The following NXN variants were observed in gnomAD, a reference collection of about 807,000 sequenced individuals.
The protein encoded by NXN is nucleoredoxin.
A neutral mutation model predicts 48.6 loss-of-function variants in NXN; 16 were observed. The observed-to-expected ratio is 0.33, with a 90% confidence interval of 0.22 to 0.50. NXN has a LOEUF of 0.50. Ranked by LOEUF, NXN falls within the 20% of genes least tolerant of loss-of-function variation. The probability of loss-of-function intolerance (pLI) is 0.98; values close to 1 mark genes in which losing one functional copy is unlikely to be tolerated. For synonymous variants in NXN, 281 were observed against 269.6 expected (o/e 1.04, Z -0.41); for missense variants, 492 against 605.5 (o/e 0.81, Z 1.97).
At chr17:934,213 A>G (rs2068882889) in intron 1 of NXN, among the ~76,000 whole-genome samples, 1 of 152,024 alleles carries the variant, frequency 6.6e-6, no homozygotes, top group South Asian at 2.1e-4. Flanking sequence ...TGGGAGGCTC[A>G]GGCAGGCGGA....
intron 5 of NXN, among the ~76,000 whole-genome samples, chr17:813,952 A>G (rs1597621704): frequency 1.4e-5 from 2 of 139,034 alleles, no homozygotes; most frequent in African/African-American, 5.5e-5. Flanking sequence ...TGGGTAACAG[A>G]GCAAGACTCT....
chr17:965,032 C>A (rs934049016), intron 1 of NXN, among the ~76,000 whole-genome samples: 1 of 152,164 alleles, frequency 6.6e-6, no homozygotes, highest in African/African-American at 2.4e-5. Context: ...TCAGGAAGTA[C>A]AAGCTCTGCG....
At chr17:831,423 C>T (rs1002020655) in intron 1 of NXN, among the ~76,000 whole-genome samples, 23 of 151,964 alleles carry the variant, frequency 1.5e-4, no homozygotes, top group Non-Finnish European at 2.6e-4. Flanking sequence ...AGTCCCCCCG[C>T]CACACAGATA....
At chr17:923,039 T>C (rs1475532232) in intron 1 of NXN, among the ~76,000 whole-genome samples, 1 of 152,078 alleles carries the variant, frequency 6.6e-6, no homozygotes, top group Non-Finnish European at 1.5e-5. Flanking sequence ...ACTTCTCACT[T>C]CAACTCGACT....
At chr17:963,688 T>C (rs2069266343) in intron 1 of NXN, among the ~76,000 whole-genome samples, 1 of 152,208 alleles carries the variant, frequency 6.6e-6, no homozygotes, top group Non-Finnish European at 1.5e-5. Context: ...TGTATTTTCA[T>C]ATGCAGTATA....
Position 919,199 on chromosome 17 carries a change from C to A in NXN, c.360+60120G>T, listed in dbSNP as rs370811680. ...CTAACATGGTGAAAGCCCGTCTCTA[C>A]TACAAATACAAAAATCAGCCGGGCG... On this transcript the variant is annotated intron_variant, in intron 1 of 7. Coordinates refer to ENST00000336868, the MANE Select transcript of NXN (RefSeq NM_022463.5). The surrounding 1 kb of genome is among the most constrained non-coding windows in gnomAD (Gnocchi z 5.1). 2.6e-5 allele frequency among the ~76,000 whole-genome samples: 4 copies of A among 152,056 alleles called. No individual in the cohort carries two copies. Among genetic ancestry groups the A allele is most frequent in the South Asian group, 4.2e-4 (2 of 4,804 alleles).
At chr17:885,054 G>C (rs1334806404) in intron 1 of NXN, among the ~76,000 whole-genome samples, 1 of 152,194 alleles carries the variant, frequency 6.6e-6, no homozygotes, top group Non-Finnish European at 1.5e-5. Flanking sequence ...AAGCGGAGCT[G>C]AGTCAGGCCT....
chr17:872,407 CAAG>C (rs915225881), intron 1 of NXN, among the ~76,000 whole-genome samples: 9 of 150,712 alleles, frequency 6.0e-5, no homozygotes, highest in Admixed American at 4.6e-4. Flanking sequence ...ACATCAACGA[CAAG>C]GAGACAGAGG....
At chr17:801,218 T>G in intron 7 of NXN, 87 bp from the exon 8 acceptor site, 1 of 1,073,028 alleles carries the variant, frequency 9.3e-7, no homozygotes, top group South Asian at 2.4e-5. Flanking sequence ...CCAGGTGTGG[T>G]AGCTCCCGCA....
chr17:839,797 TAAA>T (rs553678056), intron 1 of NXN, among the ~76,000 whole-genome samples: 5 of 57,250 alleles, frequency 8.7e-5, no homozygotes, highest in Non-Finnish European at 9.4e-5. Flanking sequence ...GAGACCTTGT[TAAA>T]AAAAAAAAAA....
At chr17:886,847 A>G (rs1278253425) in intron 1 of NXN, among the ~76,000 whole-genome samples, 2 of 152,114 alleles carry the variant, frequency 1.3e-5, no homozygotes, top group Non-Finnish European at 2.9e-5. Flanking sequence ...CCTAAAGCAA[A>G]AAGAGGAAGG....
In NXN at chr17:872,324, G is replaced by A. The variant is rs1325848580; in HGVS notation, c.361-46246C>T. On this transcript the variant is annotated intron_variant, in intron 1 of 7. Coordinates refer to ENST00000336868, the MANE Select transcript of NXN (RefSeq NM_022463.5). ...AAAGACTAGGAGAGAGAGAGAGAGA[G>A]AAACATCAAAGACAAGGAGAGAGAC... 6.2e-5 allele frequency among the ~76,000 whole-genome samples: 9 copies of A among 144,490 alleles called. 1 individual carries two copies. Among genetic ancestry groups the A allele is most frequent in the Admixed American group, 4.2e-4 (6 of 14,254 alleles). 94.8% of individuals were successfully genotyped at this position (144,490 alleles called of 152,430 possible).
chr17:822,725 T>C (rs1251626115), intron 3 of NXN, among the ~76,000 whole-genome samples: 1 of 152,102 alleles, frequency 6.6e-6, no homozygotes, highest in Non-Finnish European at 1.5e-5. Flanking sequence ...CCTCTCTTAA[T>C]GGTGGGCATC....
At chr17:896,211 ATG>A (rs1251350238) in intron 1 of NXN, among the ~76,000 whole-genome samples, 1 of 151,668 alleles carries the variant, frequency 6.6e-6, no homozygotes, top group Non-Finnish European at 1.5e-5. Context: ...GTGGTGGCGC[ATG>A]CCTGTAATCC....
chr17:886,432 T>C (rs1597694922), intron 1 of NXN, among the ~76,000 whole-genome samples: 2 of 152,292 alleles, frequency 1.3e-5, no homozygotes, highest in Admixed American at 6.5e-5. Context: ...CACTTGCTCA[T>C]GATTCTTCCC....
intron 1 of NXN, among the ~76,000 whole-genome samples, chr17:923,888 G>A (rs2068771668): frequency 2.0e-5 from 3 of 152,120 alleles, no homozygotes; most frequent in Admixed American, 2.0e-4. Context: ...GAATATTCGT[G>A]AGATAGTTAA....
At chr17:898,320 C>A (rs1179420505) in intron 1 of NXN, among the ~76,000 whole-genome samples, 1 of 152,182 alleles carries the variant, frequency 6.6e-6, no homozygotes, top group Non-Finnish European at 1.5e-5. Flanking sequence ...ATGCACTCTG[C>A]TCTCCTGGGA....
chr17:819,887 C>T (rs370160682), intron 4 of NXN, among the ~76,000 whole-genome samples: 24 of 152,298 alleles, frequency 1.6e-4, no homozygotes, highest in African/African-American at 5.3e-4. Flanking sequence ...TGCATACCCG[C>T]GGGAGTTCTA....
intron 1 of NXN, among the ~76,000 whole-genome samples, chr17:957,925 G>A (rs1420505730): frequency 6.6e-6 from 1 of 152,092 alleles, no homozygotes; most frequent in Non-Finnish European, 1.5e-5. Flanking sequence ...CAGAATGTAT[G>A]TTCCTGGGGC....
Sources: gnomAD v4.1 joint callset for allele counts (sites outside exome capture counted in the v4.1 genomes callset) on GRCh38, gnomAD v4.1.1 for gene constraint, Gnocchi (gnomAD v3.1) non-coding constraint, MANE v1.5 for transcripts, NCBI Gene and HGNC (gene_info 2026-07-23, HGNC 2026-07-21) for gene names.